Variants in KIAA1217 observed in about 807,000 individuals in gnomAD.
KIAA1217 encodes KIAA1217.
Under a neutral mutation model 163.9 loss-of-function variants are expected in KIAA1217, and 88 were observed. That is an observed-to-expected ratio of 0.54 (90% CI 0.45 to 0.64). The LOEUF is 0.64. Among genes scored for constraint, KIAA1217 ranks in the 30% least tolerant of loss-of-function variants. KIAA1217 has a pLI of 0.00. For synonymous variants in KIAA1217, 903 were observed against 923.1 expected (o/e 0.98, Z 0.39); for missense variants, 2,372 against 2,475.0 (o/e 0.96, Z 0.88).
chr10:24,323,072 C>T (rs920448902), intron 2 of KIAA1217, among the ~76,000 whole-genome samples: 1 of 152,000 alleles, frequency 6.6e-6, no homozygotes, highest in Non-Finnish European at 1.5e-5. Context: ...ACTTCAGCCT[C>T]CTGAGTAGCT....
At chr10:24,211,551 TATTGTATTGTATTGTATTG>T (rs1564836106) in intron 1 of KIAA1217, among the ~76,000 whole-genome samples, 3,448 of 59,802 alleles carry the variant, frequency 0.058, 175 homozygotes, top group African/African-American at 0.12. Context: ...TATTGTATTG[TATTGTATTGTATTGTATTG>T]TATTGTATTG....
chr10:24,433,168 G>A lies in KIAA1217; in HGVS notation c.727G>A (p.Val243Ile), dbSNP rs2059732613. 1 of 1,613,712 alleles carries A rather than the reference G, an allele frequency of 6.2e-7. No individual in the cohort carries two copies. The highest frequency in any genetic ancestry group is 1.3e-5 in the African/African-American group (1 of 75,002). ...AIYIKDESRN[V>I]YYELNDVRNI... ...TTACATCAAAGATGAAAGCAGAAAT[G>A]TCTATTATGAATTAAATGATGTAAG... is the stretch of plus-strand genomic sequence containing the variant. The change falls in exon 4 of 21, where the codon GTC becomes ATC. Residue 243 changes from valine (V) to isoleucine (I), a missense_variant. Physicochemically the swap from Val to Ile is conservative, Grantham distance 29 (BLOSUM62 3). Transcript: ENST00000376454.
chr10:24,512,206 C>G (rs556902553), intron 9 of KIAA1217, among the ~76,000 whole-genome samples: 5 of 152,252 alleles, frequency 3.3e-5, no homozygotes, highest in Admixed American at 6.5e-5. Flanking sequence ...ATTGCATTTC[C>G]CCTCAATTTA....
At chr10:23,753,246 C>G (rs1402887001) in intron 1 of KIAA1217, among the ~76,000 whole-genome samples, 2 of 152,120 alleles carry the variant, frequency 1.3e-5, no homozygotes, top group Non-Finnish European at 2.9e-5. Context: ...GAATATTCAC[C>G]AGCATTGCTT....
At chr10:24,465,615 C>G (rs1438485686) in intron 5 of KIAA1217, among the ~76,000 whole-genome samples, 1 of 152,190 alleles carries the variant, frequency 6.6e-6, no homozygotes, top group Non-Finnish European at 1.5e-5. Flanking sequence ...CCCAAGGGCT[C>G]AGAAAACATG....
chr10:23,896,619 A>G (rs1157318769), intron 1 of KIAA1217, among the ~76,000 whole-genome samples: 1 of 152,074 alleles, frequency 6.6e-6, no homozygotes, highest in Non-Finnish European at 1.5e-5. Context: ...CATTTAAAAA[A>G]CAAAAACCTC....
In KIAA1217 at chr10:24,232,935, CAAAAAAAAAAAAAA is replaced by C. The variant is rs908492411; in HGVS notation, c.354+13040_354+13053del. Among the ~76,000 whole-genome samples the C allele has an allele frequency of 1.2e-3, 68 of 56,320 alleles. 1 individual carries two copies. In the East Asian group the frequency reaches 0.038, roughly 31 times the overall value. 36.9% of individuals were successfully genotyped at this position (56,320 alleles called of 152,430 possible). A position where few individuals can be genotyped will look rare whatever the true frequency, so the allele number is the denominator to read the frequency against. The stretch of plus-strand genomic sequence containing the variant: ...GCAACATGGTAAAACCTTATCTCTA[CAAAAAAAAAAAAAA>C]AAAAAAAAAAAAAGAATAAAGAAAA... On this transcript the variant is annotated intron_variant, in intron 2 of 20. Coordinates refer to ENST00000376454, the MANE Select transcript of KIAA1217 (RefSeq NM_019590.5).
intron 1 of KIAA1217, among the ~76,000 whole-genome samples, chr10:23,986,432 T>C (rs967517444): frequency 2.6e-5 from 4 of 152,240 alleles, no homozygotes; most frequent in Non-Finnish European, 5.9e-5. Flanking sequence ...GGTGTAGTAT[T>C]TGCATATAAC....
Position 23,934,056 on chromosome 10 carries a change from A to G in KIAA1217, c.-320-73169A>G, listed in dbSNP as rs550984406. Among the ~76,000 whole-genome samples, 13 of 152,338 alleles carry G rather than the reference A, an allele frequency of 8.5e-5. No individual in the cohort carries two copies. In the South Asian group the frequency reaches 1.7e-3, roughly 19 times the overall value. Reference sequence around the variant, plus strand: ...TTCCTGGATATGCACTCAAAGAACTATAAATCATTCTACTATAAAAACAGA... The same window carrying G: ...TTCCTGGATATGCACTCAAAGAACTGTAAATCATTCTACTATAAAAACAGA... On this transcript the variant is annotated intron_variant, in intron 1 of 18. Coordinates refer to the KIAA1217 transcript ENST00000376462.
chr10:23,981,652 C>T (rs1260050960), intron 1 of KIAA1217, among the ~76,000 whole-genome samples: 2 of 152,170 alleles, frequency 1.3e-5, no homozygotes, highest in Admixed American at 6.5e-5. Context: ...GGAGTCGGCT[C>T]TATTTTCCCC....
At chr10:23,925,195 G>A (rs971274971) in intron 1 of KIAA1217, among the ~76,000 whole-genome samples, 1 of 150,724 alleles carries the variant, frequency 6.6e-6, no homozygotes, top group African/African-American at 2.4e-5. Flanking sequence ...CAGCAGCAAT[G>A]TCAGTAGAAG....
At chr10:24,401,760 T>C (rs1420304276) in intron 3 of KIAA1217, among the ~76,000 whole-genome samples, 1 of 152,196 alleles carries the variant, frequency 6.6e-6, no homozygotes, top group African/African-American at 2.4e-5. Context: ...GCATGTAGTT[T>C]GGGAAGTAAG....
intron 2 of KIAA1217, among the ~76,000 whole-genome samples, chr10:24,127,248 A>G (rs1487580929): frequency 1.3e-5 from 2 of 151,806 alleles, no homozygotes; most frequent in East Asian, 3.9e-4. Flanking sequence ...ACCTTTGGGG[A>G]TTTGTGTTCC....
At chr10:23,750,691 A>G (rs1839688767) in intron 1 of KIAA1217, among the ~76,000 whole-genome samples, 1 of 152,044 alleles carries the variant, frequency 6.6e-6, no homozygotes, top group Admixed American at 6.5e-5. Flanking sequence ...CTTGATATAC[A>G]CTTGTTCAAT....
intron 8 of KIAA1217, among the ~76,000 whole-genome samples, chr10:24,496,474 A>G (rs1424481063): frequency 6.6e-6 from 1 of 152,266 alleles, no homozygotes; most frequent in Non-Finnish European, 1.5e-5. Flanking sequence ...AATCCATTCT[A>G]GAAATGATTC....
chr10:24,004,657 A>T (rs1210115439), intron 1 of KIAA1217, among the ~76,000 whole-genome samples: 1 of 152,232 alleles, frequency 6.6e-6, no homozygotes, highest in Non-Finnish European at 1.5e-5. Context: ...GTGTATTTTC[A>T]TGTCCTGTTG....
At chr10:24,350,212 T>A (rs2048289154) in intron 2 of KIAA1217, among the ~76,000 whole-genome samples, 1 of 152,260 alleles carries the variant, frequency 6.6e-6, no homozygotes, top group African/African-American at 2.4e-5. Flanking sequence ...TATTTTTATA[T>A]GCTGCAGATG....
chr10:23,728,657 T>C lies in KIAA1217; in HGVS notation c.-321+33423T>C, dbSNP rs993975311. ...TTTCTTTTGCTGTGCAGAAGCTTTT[T>C]AGTTTAATTAGATCCCATTTCTCAA... is the stretch of plus-strand genomic sequence containing the variant. On this transcript the variant is annotated intron_variant, in intron 1 of 18. Transcript: ENST00000376462. Among the ~76,000 whole-genome samples the C allele has an allele frequency of 3.3e-5, 5 of 152,210 alleles. No homozygotes were observed. In the South Asian group the frequency reaches 1.0e-3, roughly 31 times the overall value.
chr10:24,373,338 G>A (rs1457850383), intron 2 of KIAA1217, among the ~76,000 whole-genome samples: 1 of 152,036 alleles, frequency 6.6e-6, no homozygotes, highest in African/African-American at 2.4e-5. Context: ...CTCTTCCTGC[G>A]CAATTAGGAA....
Sources: allele counts gnomAD v4.1 joint callset (sites outside exome capture counted in the v4.1 genomes callset), GRCh38; gene constraint gnomAD v4.1.1; transcripts MANE v1.5; gene names NCBI Gene and HGNC (gene_info 2026-07-23, HGNC 2026-07-21).